CSMD1: variants seen among roughly 807,000 people sequenced by gnomAD.
The protein encoded by CSMD1 is CUB and sushi domain-containing protein 1.
CSMD1 carries 213 observed loss-of-function variants against 417.5 expected under a neutral mutation model. That is an observed-to-expected ratio of 0.51 (90% confidence interval 0.46 to 0.57). CSMD1 has a LOEUF of 0.57. Among genes scored for constraint, CSMD1 ranks in the 20% least tolerant of loss-of-function variants. The pLI is 0.00. For synonymous variants in CSMD1, 2,862 were observed against 1,736.8 expected (o/e 1.65, Z -16.11); for missense variants, 6,923 against 4,529.7 (o/e 1.53, Z -15.17).
At chr8:4,981,928 C>T (rs755810257) in intron 1 of CSMD1, among the ~76,000 whole-genome samples, 3 of 152,078 alleles carry the variant, frequency 2.0e-5, no homozygotes, top group Non-Finnish European at 2.9e-5. Context: ...CTGGTTTGAG[C>T]CATGCTAGGA....
chr8:3,870,950 A>T (rs917704107), intron 5 of CSMD1, among the ~76,000 whole-genome samples: 2 of 151,790 alleles, frequency 1.3e-5, no homozygotes, highest in Admixed American at 1.3e-4. Context: ...ATAAATGTAA[A>T]TTTTTGTTTT....
intron 33 of CSMD1, among the ~76,000 whole-genome samples, chr8:3,198,121 A>T (rs1452234733): frequency 6.6e-6 from 1 of 152,208 alleles, no homozygotes; most frequent in East Asian, 1.9e-4. Context: ...GTATTACTTT[A>T]AATAAGCATA....
At chr8:3,299,377 T>C (rs548676782) in intron 25 of CSMD1, among the ~76,000 whole-genome samples, 1 of 152,132 alleles carries the variant, frequency 6.6e-6, no homozygotes, top group South Asian at 2.1e-4. Context: ...GCTTGAACTC[T>C]GGAGGTGGAG....
intron 3 of CSMD1, among the ~76,000 whole-genome samples, chr8:4,074,333 G>C (rs1351015612): frequency 6.6e-6 from 1 of 151,984 alleles, no homozygotes; most frequent in African/African-American, 2.4e-5. Context: ...ACAGTATTTG[G>C]CATCTGAATG....
intron 3 of CSMD1, among the ~76,000 whole-genome samples, chr8:4,107,425 A>T (rs1228504693): frequency 6.6e-6 from 1 of 152,222 alleles, no homozygotes; most frequent in African/African-American, 2.4e-5. Flanking sequence ...GTCTTGATAC[A>T]CATCACATTG....
chr8:4,177,309 A>C (rs1280893628), intron 3 of CSMD1, among the ~76,000 whole-genome samples: 1 of 152,128 alleles, frequency 6.6e-6, no homozygotes, highest in Non-Finnish European at 1.5e-5. Context: ...TGGAAACTGA[A>C]CAACCTGCTC....
At chr8:4,766,755 G>A (rs1266561023) in intron 1 of CSMD1, among the ~76,000 whole-genome samples, 3 of 152,274 alleles carry the variant, frequency 2.0e-5, no homozygotes, top group African/African-American at 7.2e-5. Flanking sequence ...CTTCACGCCT[G>A]ATTTATGAAG....
At chr8:3,898,770 G>A (rs1057226583) in intron 5 of CSMD1, among the ~76,000 whole-genome samples, 1 of 151,940 alleles carries the variant, frequency 6.6e-6, no homozygotes, top group Non-Finnish European at 1.5e-5. Flanking sequence ...ATATATTTGA[G>A]GAAGACCTTC....
At chr8:3,997,051 C>G (rs565539409) in intron 5 of CSMD1, among the ~76,000 whole-genome samples, 5 of 152,294 alleles carry the variant, frequency 3.3e-5, no homozygotes, top group Admixed American at 1.3e-4. Flanking sequence ...CTGTGTCTAC[C>G]TGAGTTTCAA....
chr8:4,123,513 T>C (rs994377703), intron 3 of CSMD1, among the ~76,000 whole-genome samples: 2 of 152,208 alleles, frequency 1.3e-5, no homozygotes, highest in Non-Finnish European at 1.5e-5. Context: ...CGGGACTGTG[T>C]TTTCTTTGAT....
intron 12 of CSMD1, among the ~76,000 whole-genome samples, chr8:3,414,094 G>A (rs1224491348): frequency 2.0e-5 from 3 of 149,030 alleles, no homozygotes; most frequent in Non-Finnish European, 4.4e-5. Context: ...AGCCAAGATC[G>A]CGACACTGCA....
intron 2 of CSMD1, among the ~76,000 whole-genome samples, chr8:4,453,845 A>G (rs1313681335): frequency 6.8e-5 from 7 of 103,588 alleles, no homozygotes; most frequent in Non-Finnish European, 9.2e-5. Context: ...TTTTTGAGAC[A>G]GAGTCTCACT....
intron 1 of CSMD1, among the ~76,000 whole-genome samples, chr8:4,743,575 C>G (rs1297853757): frequency 6.6e-6 from 1 of 152,270 alleles, no homozygotes; most frequent in Non-Finnish European, 1.5e-5. Context: ...GAGTGGCTAT[C>G]CTGATTATTG....
intron 2 of CSMD1, among the ~76,000 whole-genome samples, chr8:4,609,930 A>C (rs1462054707): frequency 6.6e-6 from 1 of 152,184 alleles, no homozygotes; most frequent in African/African-American, 2.4e-5. Context: ...ATTATCAGGT[A>C]AGTATTCCTA....
At chr8:3,611,166 G>A (rs1427771458) in intron 8 of CSMD1, among the ~76,000 whole-genome samples, 1 of 151,410 alleles carries the variant, frequency 6.6e-6, no homozygotes, top group Admixed American at 6.6e-5. Flanking sequence ...ACACCAGCAT[G>A]GCACATGTAT....
At chr8:3,878,340 T>C (rs1423153307) in intron 5 of CSMD1, among the ~76,000 whole-genome samples, 1 of 152,198 alleles carries the variant, frequency 6.6e-6, no homozygotes, top group Non-Finnish European at 1.5e-5. Flanking sequence ...AAAATATTCT[T>C]ACACGTGTAT....
At chr8:4,349,622 G>A (rs1380220580) in intron 3 of CSMD1, among the ~76,000 whole-genome samples, 1 of 152,066 alleles carries the variant, frequency 6.6e-6, no homozygotes. Flanking sequence ...ACGTCTCCCT[G>A]AAATTTCACA....
intron 2 of CSMD1, among the ~76,000 whole-genome samples, chr8:4,473,176 C>T (rs1390195320): frequency 6.6e-6 from 1 of 152,010 alleles, no homozygotes; most frequent in East Asian, 1.9e-4. Flanking sequence ...AATGATTTTC[C>T]AAACCAATGA....
intron 5 of CSMD1, among the ~76,000 whole-genome samples, chr8:3,767,765 A>G (rs1250481682): frequency 6.6e-6 from 1 of 152,112 alleles, no homozygotes; most frequent in Non-Finnish European, 1.5e-5. Flanking sequence ...CATTAATGAC[A>G]CTCAGAGAAC....
Sources: gnomAD v4.1 joint callset for allele counts (sites outside exome capture counted in the v4.1 genomes callset) on GRCh38, gnomAD v4.1.1 for gene constraint, MANE v1.5 for transcripts, NCBI Gene and HGNC (gene_info 2026-07-23, HGNC 2026-07-21) for gene names.